UNC5C: variants seen among roughly 807,000 people sequenced by gnomAD.
UNC5C encodes the protein unc-5 netrin receptor C, also known as netrin receptor UNC5C.
A neutral mutation model predicts 99.8 loss-of-function variants in UNC5C; 47 were observed. That is an observed-to-expected ratio of 0.47 (90% CI 0.37 to 0.60). UNC5C has a LOEUF of 0.60. Among genes scored for constraint, UNC5C ranks in the 20% least tolerant of loss-of-function variants. The pLI, the probability that UNC5C is intolerant of heterozygous loss-of-function variation, is 0.00. For missense variants in UNC5C, 1,062 were observed against 1,165.9 expected, an observed-to-expected ratio of 0.91 and a Z score of 1.30; for synonymous variants, 487 against 452.2, an observed-to-expected ratio of 1.08 and a Z score of -0.98.
chr4:95,336,966 T>C (rs1436430188), intron 1 of UNC5C, among the ~76,000 whole-genome samples: 1 of 151,944 alleles, frequency 6.6e-6, no homozygotes, highest in Non-Finnish European at 1.5e-5. Flanking sequence ...TTAGTCAATA[T>C]GCAAGAACAT....
chr4:95,371,181 G>C (rs968247623), intron 1 of UNC5C, among the ~76,000 whole-genome samples: 4 of 152,138 alleles, frequency 2.6e-5, no homozygotes, highest in Non-Finnish European at 5.9e-5. Context: ...CAGTGAGGCA[G>C]CCTTCCCCTA....
intron 1 of UNC5C, among the ~76,000 whole-genome samples, chr4:95,336,595 A>C (rs1743358738): frequency 1.3e-5 from 2 of 151,918 alleles, no homozygotes; most frequent in Admixed American, 6.6e-5. Context: ...GTTGGAAGAT[A>C]GCCATTGGTA....
chr4:95,487,276 T>G (rs1424585234), intron 1 of UNC5C, among the ~76,000 whole-genome samples: 1 of 151,810 alleles, frequency 6.6e-6, no homozygotes, highest in African/African-American at 2.4e-5. Flanking sequence ...AGTACATGCT[T>G]GTTGAATAAA....
chr4:95,533,432 A>G (rs1182868625), intron 1 of UNC5C, among the ~76,000 whole-genome samples: 1 of 151,692 alleles, frequency 6.6e-6, no homozygotes, highest in Non-Finnish European at 1.5e-5. Flanking sequence ...AATATGAATA[A>G]TATTATTTTA....
At chr4:95,390,391 C>CAA (rs35804362) in intron 1 of UNC5C, among the ~76,000 whole-genome samples, 52,426 of 147,166 alleles carry the variant, frequency 0.36, 9,990 homozygotes, top group East Asian at 0.75. Flanking sequence ...TCCACATTTC[C>CAA]AAAAAAAAAA....
Position 95,208,636 on chromosome 4 carries a change from C to T in UNC5C, c.1734-1840G>A, listed in dbSNP as rs72878169. Among the ~76,000 whole-genome samples, 194 of 152,272 alleles carry T rather than the reference C, an allele frequency of 1.3e-3. 1 individual carries two copies. Among genetic ancestry groups the T allele is most frequent in the African/African-American group, 4.5e-3 (185 of 41,562 alleles). The stretch of plus-strand genomic sequence containing the variant: ...TTGCAACACAAGAACAGGGCAAGGG[C>T]AGAGACCTTTTCAAGGACACCATTT... On this transcript the variant is annotated intron_variant, in intron 10 of 15. Coordinates refer to ENST00000453304, the MANE Select transcript of UNC5C (RefSeq NM_003728.4).
chr4:95,483,614 A>T (rs1281031723), intron 1 of UNC5C, among the ~76,000 whole-genome samples: 1 of 151,822 alleles, frequency 6.6e-6, no homozygotes, highest in Non-Finnish European at 1.5e-5. Flanking sequence ...ATTCTCATTA[A>T]TTCAATTTGA....
At chr4:95,309,509 A>G (rs1242794171) in intron 2 of UNC5C, among the ~76,000 whole-genome samples, 2 of 152,144 alleles carry the variant, frequency 1.3e-5, no homozygotes, top group East Asian at 3.9e-4. Context: ...ATGGAATGAG[A>G]GAAAACATTT....
chr4:95,426,697 G>A (rs1228502754), intron 1 of UNC5C, among the ~76,000 whole-genome samples: 1 of 152,176 alleles, frequency 6.6e-6, no homozygotes, highest in Non-Finnish European at 1.5e-5. Context: ...CGTTTTAGTG[G>A]TCTGGATAGA....
At chr4:95,302,126 A>C (rs1396012465) in intron 2 of UNC5C, among the ~76,000 whole-genome samples, 1 of 152,192 alleles carries the variant, frequency 6.6e-6, no homozygotes, top group East Asian at 1.9e-4. Context: ...GGTAAAATAA[A>C]CGTATGTACA....
At chr4:95,256,699 AATAT>A (rs377553615) in intron 4 of UNC5C, among the ~76,000 whole-genome samples, 24 of 90,662 alleles carry the variant, frequency 2.6e-4, no homozygotes, top group African/African-American at 6.8e-4. Context: ...GAACTAAATA[AATAT>A]ATATATATAT....
intron 14 of UNC5C, among the ~76,000 whole-genome samples, chr4:95,174,790 G>A (rs1024211891): frequency 6.9e-6 from 1 of 145,378 alleles, no homozygotes; most frequent in South Asian, 2.2e-4. Context: ...TCAATTCCTG[G>A]GTATCCTTGT....
chr4:95,449,274 C>T (rs576884736), intron 1 of UNC5C, among the ~76,000 whole-genome samples: 15 of 152,192 alleles, frequency 9.9e-5, no homozygotes, highest in South Asian at 2.1e-4. Context: ...ATGCTTGGTA[C>T]GCAAAAGCAA....
At chr4:95,426,320 T>G (rs1161595161) in intron 1 of UNC5C, among the ~76,000 whole-genome samples, 1 of 152,230 alleles carries the variant, frequency 6.6e-6, no homozygotes, top group Non-Finnish European at 1.5e-5. Flanking sequence ...CAACCAATGT[T>G]ATGTGTTTTC....
chr4:95,335,159 T>G (rs1019532894), intron 2 of UNC5C, among the ~76,000 whole-genome samples: 2 of 151,994 alleles, frequency 1.3e-5, no homozygotes, highest in Non-Finnish European at 2.9e-5. Context: ...TCGCATTATT[T>G]ATCTTCTTAA....
chr4:95,386,981 C>A (rs13151686), intron 1 of UNC5C, among the ~76,000 whole-genome samples: 1 of 152,098 alleles, frequency 6.6e-6, no homozygotes, highest in Non-Finnish European at 1.5e-5. Context: ...AATGTTTATT[C>A]TAAAGTCTGG....
intron 1 of UNC5C, among the ~76,000 whole-genome samples, chr4:95,338,099 G>T (rs10024121): frequency 0.17 from 26,573 of 151,934 alleles, 2,504 homozygotes; most frequent in African/African-American, 0.21. Context: ...ATGATAAAAT[G>T]CAAATAAGCT....
chr4:95,522,810 A>G (rs531790453), intron 1 of UNC5C, among the ~76,000 whole-genome samples: 1 of 152,204 alleles, frequency 6.6e-6, no homozygotes, highest in South Asian at 2.1e-4. Flanking sequence ...ACTGCTGGGG[A>G]GACTATCCTG....
At chr4:95,230,300 T>G (rs973825030) in intron 7 of UNC5C, among the ~76,000 whole-genome samples, 2 of 152,214 alleles carry the variant, frequency 1.3e-5, no homozygotes, top group African/African-American at 4.8e-5. Context: ...GTTGTTTTTT[T>G]CTTATAAATT....
Sources: gnomAD v4.1 joint callset for allele counts (sites outside exome capture counted in the v4.1 genomes callset) on GRCh38, gnomAD v4.1.1 for gene constraint, MANE v1.5 for transcripts, NCBI Gene and HGNC (gene_info 2026-07-23, HGNC 2026-07-21) for gene names.